Variants in PCDH7 observed in about 807,000 individuals in gnomAD.
The protein encoded by PCDH7 is protocadherin 7.
Under a neutral mutation model 58.9 loss-of-function variants are expected in PCDH7, and 17 were observed. The observed-to-expected ratio is 0.29, with a 90% CI of 0.20 to 0.43. PCDH7 has a LOEUF of 0.43. Among genes scored for constraint, PCDH7 ranks in the 20% least tolerant of loss-of-function variants. PCDH7 has a pLI of 1.00. For synonymous variants in PCDH7, 664 were observed against 616.4 expected, an observed-to-expected ratio of 1.08 and a Z score of -1.14; for missense variants, 1,274 against 1,441.0, an observed-to-expected ratio of 0.88 and a Z score of 1.88.
chr4:30,757,448 G>A (rs1719453157), intron 1 of PCDH7, among the ~76,000 whole-genome samples: 1 of 152,140 alleles, frequency 6.6e-6, no homozygotes, highest in African/African-American at 2.4e-5. Flanking sequence ...TTCCTCGCAG[G>A]CACTCTGCCT....
chr4:30,857,644 GGA>G (rs1301713108), intron 1 of PCDH7, among the ~76,000 whole-genome samples: 1 of 152,056 alleles, frequency 6.6e-6, no homozygotes, highest in Non-Finnish European at 1.5e-5. Context: ...GTCCTGCCAA[GGA>G]GCATCAATAC....
At chr4:30,828,690 A>G (rs574800795) in intron 1 of PCDH7, among the ~76,000 whole-genome samples, 1 of 152,056 alleles carries the variant, frequency 6.6e-6, no homozygotes, top group South Asian at 2.1e-4. Flanking sequence ...GGTTACGTTG[A>G]CTCTTTTAAG....
intron 1 of PCDH7, among the ~76,000 whole-genome samples, chr4:30,874,809 A>T (rs1298772816): frequency 4.6e-5 from 7 of 151,910 alleles, no homozygotes; most frequent in African/African-American, 1.7e-4. Context: ...CATACCAGAG[A>T]CCATTACTTA....
chr4:30,919,997 T>A (rs1445730816), intron 1 of PCDH7, among the ~76,000 whole-genome samples, 156 bp from the exon 2 acceptor site: 2 of 152,220 alleles, frequency 1.3e-5, no homozygotes, highest in Non-Finnish European at 2.9e-5. Context: ...TTGCCTTAGA[T>A]AATACATAGT....
At chr4:31,140,393 C>T (rs1190699587) in intron 3 of PCDH7, among the ~76,000 whole-genome samples, 3 of 151,742 alleles carry the variant, frequency 2.0e-5, no homozygotes, top group African/African-American at 7.3e-5. Flanking sequence ...GGAATAACAA[C>T]CACATTCATA....
intron 3 of PCDH7, among the ~76,000 whole-genome samples, chr4:31,111,791 G>T (rs978170256): frequency 2.0e-5 from 3 of 152,162 alleles, no homozygotes; most frequent in Non-Finnish European, 4.4e-5. Context: ...TTCCTGCAAA[G>T]AATTATAGTT....
chr4:31,016,987 G>A (rs1421088783), intron 3 of PCDH7, among the ~76,000 whole-genome samples: 1 of 151,098 alleles, frequency 6.6e-6, no homozygotes, highest in Non-Finnish European at 1.5e-5. Context: ...GAGAGAGAGA[G>A]TTGGGTATTC....
At chr4:31,073,171 A>G (rs750281996) in intron 3 of PCDH7, among the ~76,000 whole-genome samples, 3 of 152,160 alleles carry the variant, frequency 2.0e-5, no homozygotes, top group East Asian at 1.9e-4. Context: ...TTTTTGGGGT[A>G]GAAGGCCTTG....
chr4:31,145,899 G>T (rs981656407), downstream of PCDH7: 1 of 151,900 alleles, frequency 6.6e-6, no homozygotes, highest in African/African-American at 2.4e-5. Context: ...CATTTTGGTT[G>T]TACAGTATAT....
intron 3 of PCDH7, among the ~76,000 whole-genome samples, chr4:31,107,543 T>C (rs1222793010): frequency 2.6e-5 from 4 of 152,146 alleles, no homozygotes; most frequent in Admixed American, 2.6e-4. Flanking sequence ...AAACAGGACA[T>C]CAGTCAAAAT....
At chr4:31,059,699 T>G (rs1757533955) in intron 3 of PCDH7, among the ~76,000 whole-genome samples, 1 of 151,892 alleles carries the variant, frequency 6.6e-6, no homozygotes. Flanking sequence ...TTGAGTCAGA[T>G]ATCTCTGAAT....
chr4:30,882,883 T>C (rs554061654), intron 1 of PCDH7, among the ~76,000 whole-genome samples: 1 of 152,306 alleles, frequency 6.6e-6, no homozygotes, highest in East Asian at 1.9e-4. Flanking sequence ...GTGTTAACCT[T>C]ACTCCATTTT....
intron 1 of PCDH7, among the ~76,000 whole-genome samples, chr4:30,866,326 C>G (rs929162814): frequency 2.0e-5 from 3 of 152,048 alleles, no homozygotes; most frequent in African/African-American, 7.2e-5. Flanking sequence ...ATTATCTAAA[C>G]TTCCTCCAGA....
intron 3 of PCDH7, among the ~76,000 whole-genome samples, chr4:31,053,295 C>A (rs74341591): frequency 3.7e-4 from 57 of 152,270 alleles, no homozygotes; most frequent in African/African-American, 1.4e-3. Context: ...ACTATCCCAA[C>A]CTATCTTTCT....
chr4:30,804,597 T>C (rs1465554402), intron 1 of PCDH7, among the ~76,000 whole-genome samples: 1 of 151,940 alleles, frequency 6.6e-6, no homozygotes, highest in Non-Finnish European at 1.5e-5. Flanking sequence ...AGTTTTATTC[T>C]GCCATGTGAG....
intron 1 of PCDH7, among the ~76,000 whole-genome samples, chr4:30,762,594 G>T (rs777635106): frequency 3.3e-5 from 5 of 152,078 alleles, no homozygotes; most frequent in Non-Finnish European, 5.9e-5. Context: ...TTTGAAGATC[G>T]ATTGAAGCTA....
At chr4:31,118,590 G>A (rs1278585918) in intron 3 of PCDH7, among the ~76,000 whole-genome samples, 1 of 152,068 alleles carries the variant, frequency 6.6e-6, no homozygotes, top group Non-Finnish European at 1.5e-5. Context: ...AACCTGAGTA[G>A]TATCTAATTT....
chr4:30,871,518 G>A (rs1453620002), intron 1 of PCDH7, among the ~76,000 whole-genome samples: 1 of 152,068 alleles, frequency 6.6e-6, no homozygotes, highest in Non-Finnish European at 1.5e-5. Context: ...GGGAAAAGTA[G>A]CCTCTGACAG....
chr4:31,021,722 C>A (rs901396107), intron 3 of PCDH7, among the ~76,000 whole-genome samples: 3 of 151,972 alleles, frequency 2.0e-5, no homozygotes, highest in African/African-American at 7.3e-5. Flanking sequence ...TTGGGAGTGG[C>A]ACACTTCTTC....
Sources: gnomAD v4.1 joint callset for allele counts (sites outside exome capture counted in the v4.1 genomes callset) on GRCh38, gnomAD v4.1.1 for gene constraint, MANE v1.5 for transcripts, NCBI Gene and HGNC (gene_info 2026-07-23, HGNC 2026-07-21) for gene names.